FKBP15: variants seen among roughly 807,000 people sequenced by gnomAD.
The protein encoded by FKBP15 is FKBP prolyl isomerase family member 15.
Under a neutral mutation model 158.1 loss-of-function variants are expected in FKBP15, and 106 were observed. The ratio of observed to expected loss-of-function variants is 0.67; its 90% CI spans 0.57 to 0.79. The LOEUF is 0.79. FKBP15 is among the 30% of genes least tolerant of loss of function. The pLI, the probability that FKBP15 is intolerant of heterozygous loss-of-function variation, is 0.00. For synonymous variants in FKBP15, 547 were observed against 548.6 expected (o/e 1.00, Z 0.04); for missense variants, 1,287 against 1,479.1 (o/e 0.87, Z 2.13).
chr9:113,194,272 G>A (rs1343392809), intron 9 of FKBP15, 103 bp from the exon 10 acceptor site: 3 of 871,804 alleles, frequency 3.4e-6, no homozygotes, highest in Non-Finnish European at 5.2e-6. Context: ...GTTGTCGGGT[G>A]GGGGTAGAGG....
Position 113,182,873 on chromosome 9 carries a change from G to C in FKBP15, c.1812-5C>G. 1 of 1,609,974 alleles carries C rather than the reference G, an allele frequency of 6.2e-7. No individual in the cohort carries two copies. Among genetic ancestry groups the C allele is most frequent in the Non-Finnish European group, 8.5e-7 (1 of 1,176,416 alleles). On this transcript the variant is annotated splice_polypyrimidine_tract_variant and splice_region_variant and intron_variant, in intron 18 of 27. Coordinates refer to ENST00000238256, the MANE Select transcript of FKBP15 (RefSeq NM_015258.2). ...AGGTTACTCTGCTCAACATACCTGTGAAAGAAATAGAGAAAAAGAAAACAT... is the reference window on the plus strand; with the variant it reads ...AGGTTACTCTGCTCAACATACCTGTCAAAGAAATAGAGAAAAAGAAAACAT...
rs574676787 is a variant in FKBP15 at position 113,196,495 on chromosome 9, T to C, written c.864+437A>G. On this transcript the variant is annotated intron_variant, in intron 9 of 27. Coordinates refer to ENST00000238256, the MANE Select transcript of FKBP15 (RefSeq NM_015258.2). ...GCCTCCCAGGTTCAATCAATTCTCC[T>C]GCCTCAGCCTCCCAAGTAGCTGGGA... Among the ~76,000 whole-genome samples, 250 of 151,776 alleles carry C rather than the reference T, an allele frequency of 1.6e-3. 1 individual carries two copies. Among genetic ancestry groups the C allele is most frequent in the African/African-American group, 5.6e-3 (232 of 41,420 alleles).
In FKBP15 at chr9:113,207,204, C is replaced by T. The variant is rs79136245; in HGVS notation, c.254+8G>A. 5,043 of 1,608,094 alleles carry T rather than the reference C, an allele frequency of 3.1e-3. 148 individuals carry two copies. The African/African-American group carries it at 0.06, about 19-fold the overall frequency. ...AACTTCAGAGGGTGTTCCTTCTCAGCGACTTACTATCGATATGCATGGACT... is the reference window on the plus strand; with the variant it reads ...AACTTCAGAGGGTGTTCCTTCTCAGTGACTTACTATCGATATGCATGGACT... On this transcript the variant is annotated splice_region_variant and intron_variant, in intron 3 of 27. Transcript: ENST00000238256.
intron 2 of FKBP15, among the ~76,000 whole-genome samples, chr9:113,208,891 A>C (rs1830947597): frequency 6.6e-6 from 1 of 151,506 alleles, no homozygotes; most frequent in Non-Finnish European, 1.5e-5. Context: ...CTGGAGTCCC[A>C]GGTACTTGGG....
intron 1 of FKBP15, among the ~76,000 whole-genome samples, chr9:113,211,933 C>T (rs557846902): frequency 6.6e-6 from 1 of 152,156 alleles, no homozygotes; most frequent in Non-Finnish European, 1.5e-5. Flanking sequence ...CAGGTGCTCT[C>T]TATGGTATCT....
intron 2 of FKBP15, among the ~76,000 whole-genome samples, chr9:113,208,224 C>A (rs1341920795): frequency 1.3e-5 from 2 of 152,052 alleles, no homozygotes; most frequent in Non-Finnish European, 2.9e-5. Flanking sequence ...GTAGTCCCAG[C>A]TACTCATGAG....
At position 113,199,796 on chromosome 9, in the gene FKBP15, C is replaced by T. The variant is rs756985773; in HGVS notation, c.648+18G>A. The stretch of plus-strand genomic sequence containing the variant: ...CTATATAAGTTTACAAAAGAACTTG[C>T]AGGGTGCATTTTCTTACCTGGCCCA... On this transcript the variant is annotated intron_variant, in intron 7 of 27. Transcript: ENST00000238256. The T allele has an allele frequency of 4.9e-5, 78 of 1,606,334 alleles. No individual in the cohort carries two copies. Among genetic ancestry groups the T allele is most frequent in the Admixed American group, 1.0e-4 (6 of 58,862 alleles).
At chr9:113,207,700 T>A (rs150137825) in intron 2 of FKBP15, among the ~76,000 whole-genome samples, 58 of 152,322 alleles carry the variant, frequency 3.8e-4, no homozygotes, top group African/African-American at 1.3e-3. Context: ...ACAGTCAGTG[T>A]TGTAATGCTT....
intron 15 of FKBP15, among the ~76,000 whole-genome samples, chr9:113,185,981 G>A (rs1203793790): frequency 6.6e-6 from 1 of 152,162 alleles, no homozygotes; most frequent in Non-Finnish European, 1.5e-5. Flanking sequence ...ACAGAATGTG[G>A]ACACAAGGAA....
chr9:113,207,897 T>C lies in FKBP15; in HGVS notation c.170-601A>G, dbSNP rs550269830. ...GTCTTTGGCTAGACAAGGAGTACTG[T>C]CTAAAAAGTGATAGTCCATCTATTT... On this transcript the variant is annotated intron_variant, in intron 2 of 27. Coordinates refer to ENST00000238256, the MANE Select transcript of FKBP15 (RefSeq NM_015258.2). Among the ~76,000 whole-genome samples the C allele has an allele frequency of 4.6e-5, 7 of 152,312 alleles. No homozygotes were observed. The South Asian group carries it at 1.4e-3, about 32-fold the overall frequency.
rs764570185 is a variant in FKBP15 at position 113,187,774 on chromosome 9, T to C, written c.1383+19A>G. The C allele has an allele frequency of 6.4e-7, 1 of 1,572,434 alleles. No homozygotes were observed. Among genetic ancestry groups the C allele is most frequent in the South Asian group, 1.1e-5 (1 of 89,862 alleles). On this transcript the variant is annotated intron_variant, in intron 14 of 27. Transcript: ENST00000238256. The stretch of plus-strand genomic sequence containing the variant: ...ACAGCAAATTATAGGATATAATTAA[T>C]ACGGTTATAAAATGTTACCTGAAAG...
At chr9:113,213,281 C>A (rs528421850) in intron 1 of FKBP15, among the ~76,000 whole-genome samples, 1 of 152,098 alleles carries the variant, frequency 6.6e-6, no homozygotes, top group African/African-American at 2.4e-5. Context: ...TGGTGGCACG[C>A]ACCTGTAATC....
At position 113,215,178 on chromosome 9, in the gene FKBP15, C is replaced by A. The variant is rs142612822; in HGVS notation, c.54-3586G>T. Among the ~76,000 whole-genome samples, 3 of 152,332 alleles carry A rather than the reference C, an allele frequency of 2.0e-5. No individual in the cohort carries two copies. In the East Asian group the frequency reaches 5.8e-4, roughly 29 times the overall value. On this transcript the variant is annotated intron_variant, in intron 1 of 27. Coordinates refer to ENST00000238256, the MANE Select transcript of FKBP15 (RefSeq NM_015258.2). Reference sequence around the variant, plus strand: ...TTGCATTCACAATATGGCTAACTGGCACAAGAGGCCTAGCTTTTGGCCTAT... The same window carrying A: ...TTGCATTCACAATATGGCTAACTGGAACAAGAGGCCTAGCTTTTGGCCTAT...
chr9:113,183,464 A>G (rs1388319025), intron 18 of FKBP15, among the ~76,000 whole-genome samples: 1 of 152,150 alleles, frequency 6.6e-6, no homozygotes, highest in Non-Finnish European at 1.5e-5. Flanking sequence ...TACCAGTTTT[A>G]AAGATAAAGA....
In FKBP15 at chr9:113,161,505, A is replaced by G. The variant is rs367894661; in HGVS notation, c.*4573T>C. 6.2e-7 allele frequency: 1 copy of G among 1,613,522 alleles called. No individual in the cohort carries two copies. The highest frequency in any genetic ancestry group is 8.5e-7 in the Non-Finnish European group (1 of 1,179,722). On this transcript the variant is annotated 3_prime_UTR_variant, in exon 28 of 28. Coordinates refer to ENST00000238256, the MANE Select transcript of FKBP15 (RefSeq NM_015258.2). ...GGTCTCCACAACTCTGCCTCCTTTGACAGGCATGGCCCTTTCGGTGTTGGT... is the reference window on the plus strand; with the variant it reads ...GGTCTCCACAACTCTGCCTCCTTTGGCAGGCATGGCCCTTTCGGTGTTGGT...
At chr9:113,188,120 G>A (rs16912536) in intron 13 of FKBP15, among the ~76,000 whole-genome samples, 29,433 of 152,066 alleles carry the variant, frequency 0.19, 3,124 homozygotes, top group African/African-American at 0.24. Flanking sequence ...GACAGGAAGT[G>A]CAGAACACAC....
At position 113,169,428 on chromosome 9, in the gene FKBP15, G is replaced by A; in HGVS notation, c.3281C>T (p.Thr1094Ile). The A allele has an allele frequency of 6.2e-7, 1 of 1,614,030 alleles. No homozygotes were observed. ...GGGGTCTGAAGTCAGGGACAGTCTT[G>A]TGGAGCTTTCTTGTAGTGGGCCATC... ...APDGPLQESSTRLSLTSDPEE... is the reference protein window; with the variant it reads ...APDGPLQESSIRLSLTSDPEE... The change falls in exon 26 of 28, where the codon ACA becomes ATA. Residue 1094 changes from threonine (T) to isoleucine (I), a missense_variant. Thr to Ile is a moderately conservative substitution (Grantham distance 89). Transcript: ENST00000238256.
chr9:113,197,164 T>G, intron 8 of FKBP15, 86 bp from the exon 9 acceptor site: 1 of 1,519,928 alleles, frequency 6.6e-7, no homozygotes, highest in Non-Finnish European at 8.9e-7. Context: ...GTTTCACTTA[T>G]CCACACTTTC....
chr9:113,199,792 C>T (rs777529004), intron 7 of FKBP15, 22 bp downstream of exon 7: 2 of 1,605,070 alleles, frequency 1.2e-6, no homozygotes, highest in East Asian at 2.2e-5. Flanking sequence ...TACAAAAGAA[C>T]TTGCAGGGTG....
Sources: gnomAD v4.1 joint callset for allele counts (sites outside exome capture counted in the v4.1 genomes callset) on GRCh38, gnomAD v4.1.1 for gene constraint, MANE v1.5 for transcripts, NCBI Gene and HGNC (gene_info 2026-07-23, HGNC 2026-07-21) for gene names.